The following RCAN2 variants were observed in gnomAD, a reference collection of about 807,000 sequenced individuals.
RCAN2 encodes the protein calcipressin-2.
A neutral mutation model predicts 23.6 loss-of-function variants in RCAN2; 9 were observed. That is an observed-to-expected ratio of 0.38 (90% CI 0.23 to 0.67). RCAN2 has a LOEUF of 0.67. Among genes scored for constraint, RCAN2 ranks in the 30% least tolerant of loss-of-function variants. The pLI is 0.51. For synonymous variants in RCAN2, 109 were observed against 115.7 expected, an observed-to-expected ratio of 0.94 and a Z score of 0.37; for missense variants, 273 against 302.3, an observed-to-expected ratio of 0.90 and a Z score of 0.72.
rs149629619 is a variant in RCAN2 at position 46,442,038 on chromosome 6, C to T, written c.225+14714G>A. Among the ~76,000 whole-genome samples, 265 of 152,318 alleles carry T rather than the reference C, an allele frequency of 1.7e-3. 1 individual carries two copies. Among genetic ancestry groups the T allele is most frequent in the African/African-American group, 6.1e-3 (252 of 41,570 alleles). On this transcript the variant is annotated intron_variant, in intron 2 of 4. Coordinates refer to ENST00000371374, the MANE Select transcript of RCAN2 (RefSeq NM_001251974.2). ...TTTAAAGTTCACATCAAAACTCTGA[C>T]TTTCTCTGGTTATCACCAAGTCAAT...
At chr6:46,413,349 T>G (rs1813900250) in intron 2 of RCAN2, among the ~76,000 whole-genome samples, 1 of 152,196 alleles carries the variant, frequency 6.6e-6, no homozygotes, top group African/African-American at 2.4e-5. Flanking sequence ...TTTAAATCTA[T>G]TAATTAGGCT....
chr6:46,237,334 A>T (rs1471459604), intron 4 of RCAN2, among the ~76,000 whole-genome samples: 1 of 152,244 alleles, frequency 6.6e-6, no homozygotes, highest in African/African-American at 2.4e-5. Flanking sequence ...AAGAGACTAT[A>T]AATTATAAAC....
chr6:46,370,844 C>G (rs535015158), intron 2 of RCAN2, among the ~76,000 whole-genome samples: 1 of 152,336 alleles, frequency 6.6e-6, no homozygotes, highest in South Asian at 2.1e-4. Flanking sequence ...GTGTATACTC[C>G]TCATTGGATG....
At chr6:46,476,705 TCTTTTGTTC>T (rs376229604) in intron 1 of RCAN2, among the ~76,000 whole-genome samples, 2,858 of 152,308 alleles carry the variant, frequency 0.019, 41 homozygotes, top group Middle Eastern at 0.041. Context: ...AAATATTTTG[TCTTTTGTTC>T]TAGGTTTTTT....
At chr6:46,225,575 T>G (rs1193796598) in intron 4 of RCAN2, among the ~76,000 whole-genome samples, 1 of 152,254 alleles carries the variant, frequency 6.6e-6, no homozygotes. Context: ...GCTGCATAAA[T>G]GTCATCTTTT....
intron 2 of RCAN2, among the ~76,000 whole-genome samples, chr6:46,292,167 A>G (rs1320815810): frequency 6.6e-6 from 1 of 152,226 alleles, no homozygotes; most frequent in African/African-American, 2.4e-5. Flanking sequence ...GAGAGAGGAT[A>G]CAATGACAGT....
At chr6:46,411,313 C>T (rs912510323) in intron 2 of RCAN2, among the ~76,000 whole-genome samples, 9 of 152,106 alleles carry the variant, frequency 5.9e-5, no homozygotes, top group Admixed American at 2.6e-4. Context: ...AAAACAGAAT[C>T]GTGATTGACA....
intron 2 of RCAN2, among the ~76,000 whole-genome samples, chr6:46,334,938 A>G (rs1764093661): frequency 6.6e-6 from 1 of 151,132 alleles, no homozygotes; most frequent in Admixed American, 6.6e-5. Flanking sequence ...TCTGGGCAGT[A>G]CCATGTTTAA....
At chr6:46,427,887 C>T (rs139065480) in intron 2 of RCAN2, among the ~76,000 whole-genome samples, 146 of 152,354 alleles carry the variant, frequency 9.6e-4, no homozygotes, top group African/African-American at 3.3e-3. Context: ...CTAAGGACCA[C>T]GTTTCAGCTA....
chr6:46,384,442 C>T (rs1418202917), intron 2 of RCAN2, among the ~76,000 whole-genome samples: 2 of 152,190 alleles, frequency 1.3e-5, no homozygotes, highest in African/African-American at 4.8e-5. Context: ...TGAAGGTGTT[C>T]ATATTCCTGC....
chr6:46,386,587 G>A (rs1356724608), intron 2 of RCAN2, among the ~76,000 whole-genome samples: 1 of 106,836 alleles, frequency 9.4e-6, no homozygotes, highest in Admixed American at 1.4e-4. Context: ...CAGCCTGGGT[G>A]ACAAGAGCAA....
chr6:46,254,077 C>G (rs961048847), intron 2 of RCAN2, among the ~76,000 whole-genome samples: 3 of 152,230 alleles, frequency 2.0e-5, no homozygotes, highest in Non-Finnish European at 4.4e-5. Flanking sequence ...AATTTGGTGG[C>G]ACTGCACTGA....
chr6:46,286,179 G>A (rs963162329), intron 2 of RCAN2, among the ~76,000 whole-genome samples: 3 of 152,180 alleles, frequency 2.0e-5, no homozygotes, highest in Admixed American at 6.5e-5. Flanking sequence ...TCCAGTCAGC[G>A]AGTTTGTGCC....
At chr6:46,419,311 A>G (rs1766803258) in intron 2 of RCAN2, among the ~76,000 whole-genome samples, 1 of 152,132 alleles carries the variant, frequency 6.6e-6, no homozygotes, top group Admixed American at 6.5e-5. Flanking sequence ...CCTTTTTTCA[A>G]ACAGGCCTTC....
intron 2 of RCAN2, among the ~76,000 whole-genome samples, chr6:46,382,872 T>C (rs1204097187): frequency 6.6e-6 from 1 of 152,208 alleles, no homozygotes; most frequent in African/African-American, 2.4e-5. Context: ...TCTCTTTGAA[T>C]GGTGTCCTTG....
chr6:46,380,737 C>A (rs1000820210), intron 2 of RCAN2, among the ~76,000 whole-genome samples: 3 of 152,100 alleles, frequency 2.0e-5, no homozygotes, highest in Non-Finnish European at 4.4e-5. Flanking sequence ...ATTTTGATTT[C>A]CAATCTGCAA....
At chr6:46,368,491 T>C (rs1765237209) in intron 2 of RCAN2, among the ~76,000 whole-genome samples, 1 of 152,216 alleles carries the variant, frequency 6.6e-6, no homozygotes, top group Non-Finnish European at 1.5e-5. Context: ...TTTGTTATTG[T>C]ATGAGCATCA....
At chr6:46,252,147 G>T (rs558392421) in intron 2 of RCAN2, among the ~76,000 whole-genome samples, 1 of 152,148 alleles carries the variant, frequency 6.6e-6, no homozygotes, top group East Asian at 1.9e-4. Flanking sequence ...ATTTGCTGAG[G>T]CAACAAGATA....
rs145606522 is a variant in RCAN2 at position 46,369,231 on chromosome 6, C to A, written c.225+87521G>T. Among the ~76,000 whole-genome samples, 86 of 152,240 alleles carry A rather than the reference C, an allele frequency of 5.6e-4. 1 individual carries two copies. The East Asian group carries it at 0.012, about 22-fold the overall frequency. ...GCAGTAAGAGACATGGCACTGTCAT[C>A]TCCTATAATGACAATGCCTTCTGGA... On this transcript the variant is annotated intron_variant, in intron 2 of 4. Coordinates refer to ENST00000371374, the MANE Select transcript of RCAN2 (RefSeq NM_001251974.2).
Sources: gnomAD v4.1 joint callset for allele counts (sites outside exome capture counted in the v4.1 genomes callset) on GRCh38, gnomAD v4.1.1 for gene constraint, MANE v1.5 for transcripts, NCBI Gene and HGNC (gene_info 2026-07-23, HGNC 2026-07-21) for gene names.